CDH8: variants seen among roughly 807,000 people sequenced by gnomAD.
CDH8 encodes the protein cadherin 8, also known as cadherin-8.
Under a neutral mutation model 68.1 loss-of-function variants are expected in CDH8, and 17 were observed. That is an observed-to-expected ratio of 0.25 (90% confidence interval 0.17 to 0.37). The LOEUF (loss-of-function observed/expected upper bound fraction) is 0.37, where lower values mean the gene tolerates loss of function less well. Among genes scored for constraint, CDH8 ranks in the 10% least tolerant of loss-of-function variants. CDH8 has a pLI of 1.00. For synonymous variants in CDH8, 372 were observed against 365.1 expected, an observed-to-expected ratio of 1.02 and a Z score of -0.21; for missense variants, 763 against 999.3, an observed-to-expected ratio of 0.76 and a Z score of 3.19.
intron 3 of CDH8, among the ~76,000 whole-genome samples, chr16:61,866,089 C>T (rs188298103): frequency 7.0e-3 from 201 of 28,664 alleles, no homozygotes; most frequent in African/African-American, 0.03. Flanking sequence ...TGGTGGTGTG[C>T]ACCTGTAGTC....
chr16:61,732,841 T>G (rs1959573868), intron 8 of CDH8, among the ~76,000 whole-genome samples: 1 of 151,738 alleles, frequency 6.6e-6, no homozygotes, highest in Admixed American at 6.6e-5. Context: ...TTGTAACATA[T>G]CAAAATGTAA....
chr16:61,847,684 C>T (rs1597015163), intron 4 of CDH8, among the ~76,000 whole-genome samples: 1 of 151,412 alleles, frequency 6.6e-6, no homozygotes, highest in East Asian at 1.9e-4. Context: ...TCTAAAGTTA[C>T]TTTTGCCATA....
rs1358766063 is a variant in CDH8, at chr16:61,768,425, TCTCC to T, written c.1414+20917_1414+20920del. ...CTCTCTCTCTCTCTCTCTCTCTCTC[TCTCC>T]CTCTCCCTCTCTCTCTCGCAGTGCC... On this transcript the variant is annotated intron_variant, in intron 8 of 11. Coordinates refer to ENST00000577390, the MANE Select transcript of CDH8 (RefSeq NM_001796.5). Among the ~76,000 whole-genome samples, 78 of 138,532 alleles carry T rather than the reference TCTCC, an allele frequency of 5.6e-4. 2 individuals carry two copies. The highest frequency in any genetic ancestry group is 1.9e-3 in the African/African-American group (68 of 35,620). The allele number at this position is 138,532 out of a possible 152,430, so 90.9% of individuals were successfully genotyped here.
chr16:61,959,984 G>GTATGTATA (rs1555524808), intron 2 of CDH8, among the ~76,000 whole-genome samples: 2 of 44,556 alleles, frequency 4.5e-5, no homozygotes, highest in Non-Finnish European at 8.1e-5. Context: ...GTGTGTGTGT[G>GTATGTATA]TATATATATA....
At chr16:62,006,010 C>A (rs772314207) in intron 2 of CDH8, among the ~76,000 whole-genome samples, 3 of 152,138 alleles carry the variant, frequency 2.0e-5, no homozygotes, top group Non-Finnish European at 4.4e-5. Flanking sequence ...AATCTCAACA[C>A]ACTTTGAATG....
At chr16:61,747,189 A>G (rs1407185471) in intron 8 of CDH8, among the ~76,000 whole-genome samples, 1 of 152,160 alleles carries the variant, frequency 6.6e-6, no homozygotes, top group Non-Finnish European at 1.5e-5. Context: ...AACTAGAGAT[A>G]GAATATTATG....
intron 8 of CDH8, among the ~76,000 whole-genome samples, chr16:61,755,484 T>G (rs1157055784): frequency 6.6e-6 from 1 of 152,146 alleles, no homozygotes; most frequent in Non-Finnish European, 1.5e-5. Context: ...ATACTGTTAC[T>G]TTCAGTTAAA....
At chr16:61,842,625 A>T (rs1246218763) in intron 4 of CDH8, among the ~76,000 whole-genome samples, 4 of 151,880 alleles carry the variant, frequency 2.6e-5, no homozygotes, top group Non-Finnish European at 5.9e-5. Flanking sequence ...ACAAATAGTG[A>T]CTCCCTTCAG....
chr16:61,779,441 G>GTA (rs1419446892), intron 8 of CDH8, among the ~76,000 whole-genome samples: 2 of 148,526 alleles, frequency 1.3e-5, no homozygotes, highest in African/African-American at 2.5e-5. Context: ...GTGTGTGTGT[G>GTA]TGTGTGTGTG....
At chr16:61,837,161 C>T (rs1962586223) in intron 4 of CDH8, among the ~76,000 whole-genome samples, 1 of 151,984 alleles carries the variant, frequency 6.6e-6, no homozygotes, top group Admixed American at 6.6e-5. Flanking sequence ...CCCCTTATGC[C>T]TCTTCTCAGA....
chr16:61,808,535 A>C (rs1376852670), intron 7 of CDH8, among the ~76,000 whole-genome samples: 2 of 152,210 alleles, frequency 1.3e-5, no homozygotes, highest in Non-Finnish European at 2.9e-5. Context: ...GCATGCTGTC[A>C]TGGGCCCCAT....
rs567287976 is a variant in CDH8 at position 61,984,383 on chromosome 16, G to A, written c.252+36769C>T. 2.6e-5 allele frequency among the ~76,000 whole-genome samples: 4 copies of A among 152,064 alleles called. No homozygotes were observed. The East Asian group carries it at 7.8e-4, about 30-fold the overall frequency. ...TAATCCATACACATAATATTAGTGA[G>A]TTGAGTATTTTTTTGTATGTTACAG... On this transcript the variant is annotated intron_variant, in intron 2 of 11. Coordinates refer to ENST00000577390, the MANE Select transcript of CDH8 (RefSeq NM_001796.5).
chr16:61,747,546 C>G (rs1397994782), intron 8 of CDH8, among the ~76,000 whole-genome samples: 1 of 151,966 alleles, frequency 6.6e-6, no homozygotes, highest in South Asian at 2.1e-4. Flanking sequence ...GACAAAGCAA[C>G]AAGCTTATTC....
intron 10 of CDH8, among the ~76,000 whole-genome samples, chr16:61,685,431 AAG>A (rs781735554): frequency 2.8e-4 from 43 of 152,046 alleles, no homozygotes; most frequent in Non-Finnish European, 4.6e-4. Context: ...GGAAGGGAAA[AAG>A]AGAGTGCTGA....
intron 3 of CDH8, among the ~76,000 whole-genome samples, chr16:61,867,691 A>G (rs897877204): frequency 3.3e-4 from 50 of 152,160 alleles, no homozygotes; most frequent in Non-Finnish European, 4.4e-4. Flanking sequence ...AATATTCCCA[A>G]CTACTTTATT....
chr16:61,891,005 G>A (rs779340485), intron 3 of CDH8, among the ~76,000 whole-genome samples: 6 of 152,124 alleles, frequency 3.9e-5, no homozygotes, highest in South Asian at 2.1e-4. Context: ...GACTGAAAGC[G>A]ATGTTTCTAT....
chr16:61,931,301 C>T (rs1401050807), intron 2 of CDH8, among the ~76,000 whole-genome samples: 1 of 152,070 alleles, frequency 6.6e-6, no homozygotes. Context: ...GTAGCTGAGG[C>T]CACGAGTGCA....
intron 2 of CDH8, among the ~76,000 whole-genome samples, chr16:62,014,956 A>T (rs1342376896): frequency 1.3e-5 from 2 of 151,994 alleles, no homozygotes; most frequent in African/African-American, 4.8e-5. Context: ...CACAGGACTT[A>T]CAGAACAAGG....
At chr16:61,966,514 C>T (rs1025163431) in intron 2 of CDH8, among the ~76,000 whole-genome samples, 4 of 150,734 alleles carry the variant, frequency 2.7e-5, no homozygotes, top group Admixed American at 1.3e-4. Flanking sequence ...CTCCAGCCTG[C>T]GGACGGAGCA....
Sources: allele counts gnomAD v4.1 joint callset (sites outside exome capture counted in the v4.1 genomes callset), GRCh38; gene constraint gnomAD v4.1.1; transcripts MANE v1.5; gene names NCBI Gene and HGNC (gene_info 2026-07-23, HGNC 2026-07-21).